CRYL1: variants seen among roughly 807,000 people sequenced by gnomAD.
CRYL1 encodes lambda-crystallin homolog.
Under a neutral mutation model 36.6 loss-of-function variants are expected in CRYL1, and 29 were observed. The ratio of observed to expected loss-of-function variants is 0.79; its 90% CI spans 0.59 to 1.08. The LOEUF (loss-of-function observed/expected upper bound fraction) is 1.08. Ranked by LOEUF, CRYL1 falls within the 50% of genes least tolerant of loss-of-function variation. CRYL1 has a pLI of 0.00. For synonymous variants in CRYL1, 152 were observed against 151.5 expected (o/e 1.00, Z -0.02); for missense variants, 411 against 407.9 (o/e 1.01, Z -0.06).
intron 5 of CRYL1, among the ~76,000 whole-genome samples, chr13:20,424,327 G>A (rs537996010): frequency 5.8e-4 from 88 of 152,178 alleles, no homozygotes; most frequent in Non-Finnish European, 1.1e-3. Context: ...AGCAGCATGT[G>A]GACTCTGTTG....
At chr13:20,438,993 G>A (rs1267863618) in intron 4 of CRYL1, among the ~76,000 whole-genome samples, 1 of 152,084 alleles carries the variant, frequency 6.6e-6, no homozygotes, top group Non-Finnish European at 1.5e-5. Flanking sequence ...ATGTACTCCT[G>A]GCAAACAAGC....
At chr13:20,505,878 C>T (rs2033789111) in intron 2 of CRYL1, among the ~76,000 whole-genome samples, 1 of 152,206 alleles carries the variant, frequency 6.6e-6, no homozygotes, top group Non-Finnish European at 1.5e-5. Flanking sequence ...GGTTTCTGAA[C>T]ATCTAAGCAC....
chr13:20,458,626 G>T lies in CRYL1; in HGVS notation c.277-18872C>A, dbSNP rs576079090. Among the ~76,000 whole-genome samples the T allele has an allele frequency of 1.4e-3, 212 of 152,142 alleles. 1 individual carries two copies. The highest frequency in any genetic ancestry group is 2.5e-3 in the Non-Finnish European group (170 of 68,006). ...TAAAAACTATTGAGATATTTTATAC[G>T]CTTTTTAAAAATAGTAAGTCTTCAA... On this transcript the variant is annotated intron_variant, in intron 3 of 7. Transcript: ENST00000298248.
intron 5 of CRYL1, among the ~76,000 whole-genome samples, chr13:20,413,934 G>A (rs1170064969): frequency 2.0e-5 from 3 of 152,080 alleles, no homozygotes; most frequent in Admixed American, 6.5e-5. Context: ...CAGCACTTTC[G>A]GAGGCTGAGG....
chr13:20,432,725 A>C (rs1259332286), intron 4 of CRYL1, among the ~76,000 whole-genome samples: 2 of 152,030 alleles, frequency 1.3e-5, no homozygotes, highest in Non-Finnish European at 2.9e-5. Context: ...CAGTGTTAAA[A>C]ATTATTGGCA....
At chr13:20,507,747 T>C (rs1483022546) in intron 2 of CRYL1, among the ~76,000 whole-genome samples, 1 of 151,094 alleles carries the variant, frequency 6.6e-6, no homozygotes, top group Non-Finnish European at 1.5e-5. Flanking sequence ...TGAAACCCCG[T>C]CTCTACTAAA....
intron 5 of CRYL1, chr13:20,431,182 T>C: frequency 1.0e-6 from 1 of 985,310 alleles, no homozygotes; most frequent in Non-Finnish European, 1.2e-6. Flanking sequence ...AATGCAACAC[T>C]CAAGGAAGCT....
chr13:20,424,972 G>A (rs923549547), intron 5 of CRYL1, among the ~76,000 whole-genome samples: 1 of 152,214 alleles, frequency 6.6e-6, no homozygotes, highest in Middle Eastern at 3.4e-3. Context: ...AGACTTGGCT[G>A]TTTCCTGGCT....
intron 1 of CRYL1, among the ~76,000 whole-genome samples, chr13:20,520,845 C>T (rs7999489): frequency 0.087 from 13,189 of 152,174 alleles, 1,476 homozygotes; most frequent in African/African-American, 0.26. Context: ...GTGGCTCACG[C>T]CTGTAATCCC....
chr13:20,408,325 T>C (rs2031431723), intron 6 of CRYL1, among the ~76,000 whole-genome samples: 1 of 152,100 alleles, frequency 6.6e-6, no homozygotes, highest in South Asian at 2.1e-4. Flanking sequence ...ATCTCAGTTT[T>C]GAAAAAGGCA....
intron 3 of CRYL1, among the ~76,000 whole-genome samples, chr13:20,442,875 A>T (rs2032377817): frequency 6.6e-6 from 1 of 152,208 alleles, no homozygotes; most frequent in African/African-American, 2.4e-5. Flanking sequence ...TGATTTTGAC[A>T]AATAAAACTC....
intron 3 of CRYL1, among the ~76,000 whole-genome samples, chr13:20,455,686 C>G (rs2032668655): frequency 1.3e-5 from 2 of 152,182 alleles, no homozygotes; most frequent in Non-Finnish European, 2.9e-5. Context: ...ACTTGATGTA[C>G]TGATTCACTG....
rs192798182 is a variant in CRYL1 at position 20,456,809 on chromosome 13, A to T, written c.277-17055T>A. 9.2e-5 allele frequency among the ~76,000 whole-genome samples: 14 copies of T among 152,282 alleles called. 1 individual carries two copies. Among genetic ancestry groups the T allele is most frequent in the Admixed American group, 6.5e-5 (1 of 15,288 alleles). On this transcript the variant is annotated intron_variant, in intron 3 of 7. Coordinates refer to ENST00000298248, the MANE Select transcript of CRYL1 (RefSeq NM_015974.3). ...CCTTCCTGGGTGACCCAGCACAGGG[A>T]AACTCTGGGAGAGAGTGGATATGGA...
At chr13:20,459,625 C>A (rs977603169) in intron 3 of CRYL1, among the ~76,000 whole-genome samples, 4 of 152,128 alleles carry the variant, frequency 2.6e-5, no homozygotes, top group African/African-American at 9.7e-5. Flanking sequence ...CAGATGTTCT[C>A]ACTTATAAGT....
At chr13:20,454,413 G>A (rs1222129547) in intron 3 of CRYL1, among the ~76,000 whole-genome samples, 1 of 131,808 alleles carries the variant, frequency 7.6e-6, no homozygotes, top group South Asian at 2.3e-4. Context: ...ACCCCCATTC[G>A]TGTTTGTTTT....
In CRYL1 at chr13:20,403,673, T is replaced by C. The variant is rs1488455787; in HGVS notation, c.*456A>G. ...AAAACCAAAAGAGAAAAGATGTCTTTAAGGAATCAAAAACTTTTATTCAGA... is the reference window on the plus strand; with the variant it reads ...AAAACCAAAAGAGAAAAGATGTCTTCAAGGAATCAAAAACTTTTATTCAGA... On this transcript the variant is annotated 3_prime_UTR_variant, in exon 8 of 8. Coordinates refer to ENST00000298248, the MANE Select transcript of CRYL1 (RefSeq NM_015974.3). 6.6e-6 allele frequency: 1 copy of C among 152,576 alleles called. No homozygotes were observed. The highest frequency in any genetic ancestry group is 2.4e-5 in the African/African-American group (1 of 41,428). 9.5% of individuals were successfully genotyped at this position (152,576 alleles called of 1,614,324 possible).
rs1309724411 is a variant in CRYL1, at chr13:20,415,275, C to A, written c.634-1888G>T. ...CAGGGAGGCACCCTCTGCCCTGCTG[C>A]GAGCCTGGGGCGCCTGGGCCTGGCC... On this transcript the variant is annotated intron_variant, in intron 5 of 7. Coordinates refer to ENST00000298248, the MANE Select transcript of CRYL1 (RefSeq NM_015974.3). This position sits in a 1 kb window ranked among gnomAD's most constrained non-coding sequence, Gnocchi z 4.1. Among the ~76,000 whole-genome samples the A allele has an allele frequency of 6.6e-6, 1 of 152,160 alleles. No individual in the cohort carries two copies. Among genetic ancestry groups the A allele is most frequent in the Non-Finnish European group, 1.5e-5 (1 of 67,998 alleles).
At chr13:20,436,696 A>G (rs1400766784) in intron 4 of CRYL1, among the ~76,000 whole-genome samples, 1 of 152,178 alleles carries the variant, frequency 6.6e-6, no homozygotes, top group African/African-American at 2.4e-5. Flanking sequence ...TCACTGAGGG[A>G]ACACGTGGCC....
At chr13:20,485,751 T>C (rs1262067592) in intron 3 of CRYL1, among the ~76,000 whole-genome samples, 1 of 151,494 alleles carries the variant, frequency 6.6e-6, no homozygotes, top group Non-Finnish European at 1.5e-5. Context: ...CTGGCAAAAA[T>C]GAACTGCTGA....
Sources: allele counts gnomAD v4.1 joint callset (sites outside exome capture counted in the v4.1 genomes callset), GRCh38; gene constraint gnomAD v4.1.1; non-coding constraint Gnocchi (gnomAD v3.1); transcripts MANE v1.5; gene names NCBI Gene and HGNC (gene_info 2026-07-23, HGNC 2026-07-21).